The following SERPINB8 variants were observed in gnomAD, a reference collection of about 807,000 sequenced individuals.
SERPINB8 encodes serpin family B member 8.
Under a neutral mutation model 35.3 loss-of-function variants are expected in SERPINB8, and 25 were observed. The ratio of observed to expected loss-of-function variants is 0.71; its 90% CI spans 0.52 to 0.99. The LOEUF (loss-of-function observed/expected upper bound fraction) is 0.99. Ranked by LOEUF, SERPINB8 falls within the 50% of genes least tolerant of loss-of-function variation. The pLI is 0.00. For missense variants in SERPINB8, 484 were observed against 446.5 expected (o/e 1.08, Z -0.76); for synonymous variants, 186 against 160.8 (o/e 1.16, Z -1.19).
At chr18:63,980,159 A>G (rs984450248) in intron 3 of SERPINB8, among the ~76,000 whole-genome samples, 2 of 152,134 alleles carry the variant, frequency 1.3e-5, no homozygotes, top group African/African-American at 4.8e-5. Flanking sequence ...ATTCTCCTGC[A>G]CGCAGCCCTG....
chr18:63,972,631 T>C (rs1568266435), intron 1 of SERPINB8, among the ~76,000 whole-genome samples: 1 of 151,998 alleles, frequency 6.6e-6, no homozygotes, highest in Non-Finnish European at 1.5e-5. Flanking sequence ...ATGCTATTCC[T>C]CTCACATCCC....
chr18:64,006,832 C>G (rs2050902168), downstream of SERPINB8, among the ~76,000 whole-genome samples: 1 of 151,784 alleles, frequency 6.6e-6, no homozygotes, highest in Admixed American at 6.6e-5. Flanking sequence ...TGGGGTACAG[C>G]TAAAATGGAA....
In SERPINB8 at chr18:64,017,731, T is replaced by C. The variant is rs540763881; in HGVS notation, c.*3-1179T>C. Among the ~76,000 whole-genome samples, 6 of 152,182 alleles carry C rather than the reference T, an allele frequency of 3.9e-5. No individual in the cohort carries two copies. The South Asian group carries it at 6.2e-4, about 16-fold the overall frequency. On this transcript the variant is annotated intron_variant, in intron 7 of 7. Coordinates refer to the SERPINB8 transcript ENST00000636430. ...ACTTCCCTATGGAAACCCTGATCAT[T>C]AGAGATAGCAGCAGCCTCTGCAGAG... is the stretch of plus-strand genomic sequence containing the variant.
intron 3 of SERPINB8, 96 bp downstream of exon 3, chr18:63,980,034 T>A (rs1363166434): frequency 8.2e-7 from 1 of 1,213,218 alleles, no homozygotes; most frequent in Non-Finnish European, 1.2e-6. Flanking sequence ...ACTTAAAACG[T>A]GCTTGGAATT....
chr18:64,004,685 T>C, intron 1 of SERPINB8: 1 of 394,234 alleles, frequency 2.5e-6, no homozygotes, highest in Non-Finnish European at 4.5e-6. Flanking sequence ...CACTTATTTA[T>C]TTACATTCAT....
downstream of SERPINB8, among the ~76,000 whole-genome samples, chr18:63,989,714 C>T (rs945454716): frequency 2.0e-5 from 3 of 151,958 alleles, no homozygotes; most frequent in Non-Finnish European, 4.4e-5. Flanking sequence ...GAGGCCGAGG[C>T]GGGCGGATCA....
intron 1 of SERPINB8, among the ~76,000 whole-genome samples, chr18:64,004,362 TA>T (rs2050890155): frequency 6.6e-6 from 1 of 152,116 alleles, no homozygotes; most frequent in Admixed American, 6.5e-5. Flanking sequence ...GTTGAATTGA[TA>T]TAAAATAAAA....
chr18:64,006,368 G>A (rs957010473), downstream of SERPINB8, among the ~76,000 whole-genome samples: 1 of 152,170 alleles, frequency 6.6e-6, no homozygotes, highest in African/African-American at 2.4e-5. Flanking sequence ...CAGAGATGGG[G>A]CCTTTGGGAG....
At chr18:63,985,489 A>G (rs2050740100) in intron 6 of SERPINB8, among the ~76,000 whole-genome samples, 1 of 152,194 alleles carries the variant, frequency 6.6e-6, no homozygotes, top group South Asian at 2.1e-4. Context: ...ATTATTTGGA[A>G]TATTATTCTT....
chr18:63,978,243 C>A, intron 1 of SERPINB8, 56 bp from the exon 2 acceptor site: 3 of 1,587,288 alleles, frequency 1.9e-6, no homozygotes, highest in Non-Finnish European at 1.7e-6. Context: ...TGAATGACTG[C>A]GTGGCTACCG....
chr18:64,003,890 C>A (rs1361981802), intron 1 of SERPINB8, among the ~76,000 whole-genome samples: 1 of 152,158 alleles, frequency 6.6e-6, no homozygotes, highest in African/African-American at 2.4e-5. Flanking sequence ...CACCCAGAAA[C>A]ACCCTCACAG....
intron 1 of SERPINB8, among the ~76,000 whole-genome samples, chr18:64,002,872 G>C (rs1245630785): frequency 6.6e-6 from 1 of 152,100 alleles, no homozygotes; most frequent in African/African-American, 2.4e-5. Flanking sequence ...CGCCGCCTGC[G>C]GTCGTGCCCT....
chr18:63,985,362 T>G, intron 6 of SERPINB8, 117 bp downstream of exon 6: 4 of 1,056,568 alleles, frequency 3.8e-6, no homozygotes, highest in Non-Finnish European at 5.4e-6. Context: ...CAGGCAGTGC[T>G]GGGTGAACAT....
At chr18:63,972,133 C>T (rs929405426) in intron 1 of SERPINB8, among the ~76,000 whole-genome samples, 4 of 152,082 alleles carry the variant, frequency 2.6e-5, no homozygotes, top group Admixed American at 2.6e-4. Flanking sequence ...GGAATATTGT[C>T]ATCGCTGGAG....
Position 63,987,188 on chromosome 18 carries a change from A to G in SERPINB8, c.1035A>G (p.Pro345=), listed in dbSNP as rs932167332. The change falls in exon 7 of 7, where the codon CCA becomes CCG. Residue 345 remains proline (P), a synonymous_variant. Coordinates refer to ENST00000397985, the MANE Select transcript of SERPINB8 (RefSeq NM_002640.4). ...VRNSRCSRME[P]RFCADHPFLF... Reference sequence around the variant, plus strand: ...ATTCCCGGTGCAGCAGAATGGAGCCAAGATTCTGTGCAGACCACCCTTTTC... The same window carrying G: ...ATTCCCGGTGCAGCAGAATGGAGCCGAGATTCTGTGCAGACCACCCTTTTC... The G allele has an allele frequency of 6.2e-7, 1 of 1,614,208 alleles. No homozygotes were observed. Among genetic ancestry groups the G allele is most frequent in the Admixed American group, 1.7e-5 (1 of 60,026 alleles).
chr18:64,016,102 G>T (rs1044364661), intron 7 of SERPINB8, among the ~76,000 whole-genome samples: 5 of 152,198 alleles, frequency 3.3e-5, no homozygotes, highest in Non-Finnish European at 7.3e-5. Context: ...CAGAAAGAGG[G>T]CTGGGAGTCT....
intron 1 of SERPINB8, among the ~76,000 whole-genome samples, chr18:64,002,027 A>G (rs2050877738): frequency 6.6e-6 from 1 of 152,164 alleles, no homozygotes; most frequent in Non-Finnish European, 1.5e-5. Context: ...AAGTTGGGGC[A>G]GTGAGTGAGG....
chr18:63,998,948 C>T (rs568198598), intron 1 of SERPINB8, among the ~76,000 whole-genome samples: 2 of 152,274 alleles, frequency 1.3e-5, no homozygotes, highest in East Asian at 3.9e-4. Context: ...TGATGGAACC[C>T]CAGGAGAAGC....
chr18:63,977,182 C>T (rs892586445), intron 1 of SERPINB8, among the ~76,000 whole-genome samples: 1 of 152,074 alleles, frequency 6.6e-6, no homozygotes, highest in Non-Finnish European at 1.5e-5. Context: ...GGGTGCCAGG[C>T]GTTTATGACT....
Sources: allele counts gnomAD v4.1 joint callset (sites outside exome capture counted in the v4.1 genomes callset), GRCh38; gene constraint gnomAD v4.1.1; transcripts MANE v1.5; gene names NCBI Gene and HGNC (gene_info 2026-07-23, HGNC 2026-07-21).